ARHGEF38: variants seen among roughly 807,000 people sequenced by gnomAD.
ARHGEF38 encodes Rho guanine nucleotide exchange factor 38, also known as Rho guanine nucleotide exchange factor (GEF) 38.
Under a neutral mutation model 79.9 loss-of-function variants are expected in ARHGEF38, and 79 were observed. That is an observed-to-expected ratio of 0.99 (90% CI 0.82 to 1.19). The LOEUF (loss-of-function observed/expected upper bound fraction) is 1.19, where lower values mean the gene tolerates loss of function less well. ARHGEF38 is among the 50% of genes most tolerant of loss of function. The pLI is 0.00. For synonymous variants in ARHGEF38, 366 were observed against 328.3 expected (o/e 1.11, Z -1.24); for missense variants, 962 against 907.2 (o/e 1.06, Z -0.78).
intron 1 of ARHGEF38, among the ~76,000 whole-genome samples, chr4:105,568,482 A>T (rs950273021): frequency 6.6e-6 from 1 of 152,146 alleles, no homozygotes; most frequent in Non-Finnish European, 1.5e-5. Context: ...CAGCCATCCC[A>T]TTACTGGGTA....
rs368336086 is a variant in ARHGEF38, at chr4:105,668,344, G to A, written c.2148+641G>A. Among the ~76,000 whole-genome samples, 61 of 152,094 alleles carry A rather than the reference G, an allele frequency of 4.0e-4. 1 individual carries two copies. Among genetic ancestry groups the A allele is most frequent in the African/African-American group, 1.4e-3 (57 of 41,494 alleles). ...CTACAGGTACACGTCACCACGCCTG[G>A]CTAATTTTTGTATTTTTAGTAGAGT... On this transcript the variant is annotated intron_variant, in intron 13 of 13. Coordinates refer to ENST00000420470, the MANE Select transcript of ARHGEF38 (RefSeq NM_001242729.2).
At chr4:105,621,563 A>C (rs1380435297) in intron 3 of ARHGEF38, among the ~76,000 whole-genome samples, 4 of 152,232 alleles carry the variant, frequency 2.6e-5, no homozygotes, top group Non-Finnish European at 5.9e-5. Flanking sequence ...GTTGTTCTAT[A>C]GCAGTGCTTT....
At chr4:105,650,463 C>T (rs1426708085) in intron 7 of ARHGEF38, among the ~76,000 whole-genome samples, 2 of 152,186 alleles carry the variant, frequency 1.3e-5, no homozygotes, top group Non-Finnish European at 2.9e-5. Flanking sequence ...ACCCCTATAT[C>T]CCAAAGCCCA....
At position 105,655,656 on chromosome 4, in the gene ARHGEF38, C is replaced by A. The variant is rs1331256236; in HGVS notation, c.1167C>A (p.Tyr389Ter). 6.5e-7 allele frequency: 1 copy of A among 1,535,762 alleles called. No homozygotes were observed. The highest frequency in any genetic ancestry group is 1.4e-5 in the African/African-American group (1 of 72,994). The stretch of plus-strand genomic sequence containing the variant: ...TGATGGACCTTCAGGAGATTTCATA[C>A]AACAAAGACGATGAGATGGACTATT... ...QSVMDLQEIS[Y>*]NKDDEMDYSE... is the part of the protein sequence containing the mutation. The change falls in exon 9 of 14, where the codon TAC becomes TAA. Residue 389 changes from tyrosine to a stop codon, truncating the protein, a stop_gained. Transcript: ENST00000420470. LOFTEE classifies it high-confidence loss of function.
chr4:105,568,770 G>A (rs1726067457), intron 1 of ARHGEF38, among the ~76,000 whole-genome samples: 1 of 152,172 alleles, frequency 6.6e-6, no homozygotes, highest in African/African-American at 2.4e-5. Context: ...CTGGTTGGTT[G>A]TTGGGAGTAT....
intron 11 of ARHGEF38, 50 bp from the exon 12 acceptor site, chr4:105,667,079 G>A (rs2110577022): frequency 3.5e-6 from 5 of 1,408,562 alleles, no homozygotes; most frequent in Non-Finnish European, 4.7e-6. Context: ...ACTCCATGAG[G>A]ATTTTATTAT....
In ARHGEF38 at chr4:105,648,657, A is replaced by T; in HGVS notation, c.983A>T (p.Lys328Met). ...KKSKRVTNHL[K>M]ILTRGESQVK... ...TCAAAAAGAGTGACAAATCATCTGA[A>T]GATTCTGACCAGAGGAGAATCACAG... Residue 328 changes from lysine (K) to methionine (M), a missense_variant, in exon 7 of 14, where the codon AAG becomes ATG. By Grantham distance (95) the Lys-to-Met change is moderately conservative. Transcript: ENST00000420470. The T allele has an allele frequency of 6.5e-7, 1 of 1,532,256 alleles. No individual in the cohort carries two copies. The highest frequency in any genetic ancestry group is 2.4e-5 in the East Asian group (1 of 40,868). 94.9% of individuals were successfully genotyped at this position (1,532,256 alleles called of 1,614,324 possible).
intron 1 of ARHGEF38, among the ~76,000 whole-genome samples, chr4:105,554,498 C>T (rs1725163708): frequency 6.6e-6 from 1 of 152,118 alleles, no homozygotes; most frequent in Non-Finnish European, 1.5e-5. Flanking sequence ...AGGATAATGG[C>T]CTCCGGTTGT....
intron 8 of ARHGEF38, among the ~76,000 whole-genome samples, chr4:105,655,052 C>T (rs991862016): frequency 6.6e-6 from 1 of 152,140 alleles, no homozygotes; most frequent in Non-Finnish European, 1.5e-5. Flanking sequence ...ATCCGGTTTG[C>T]TATTTTCTTC....
At chr4:105,591,775 C>A (rs1474889245) in intron 2 of ARHGEF38, among the ~76,000 whole-genome samples, 1 of 152,132 alleles carries the variant, frequency 6.6e-6, no homozygotes, top group Non-Finnish European at 1.5e-5. Context: ...TTTAATCCCC[C>A]ACAGTTCCCA....
rs1010572176 is a variant in ARHGEF38, at chr4:105,667,304, G to A, written c.1865G>A (p.Ser622Asn). 3.3e-6 allele frequency: 5 copies of A among 1,535,994 alleles called. No individual in the cohort carries two copies. In the African/African-American group the frequency reaches 6.8e-5, roughly 21 times the overall value. Residue 622 changes from serine (S) to asparagine (N), a missense_variant, in exon 12 of 14, where the codon AGC (serine) becomes AAC (asparagine). Ser to Asn is a conservative substitution (Grantham distance 46). Transcript: ENST00000420470. ...CAGAAAGATCCACTGGGGAGTACAA[G>A]CAGGTGGCTTGTGGACACAGGAAGT... Reference protein sequence around the residue: ...IEQKDPLGSTSRWLVDTGNVK... With the variant: ...IEQKDPLGSTNRWLVDTGNVK...
At chr4:105,626,553 C>T (rs1347457551) in intron 3 of ARHGEF38, among the ~76,000 whole-genome samples, 2 of 152,100 alleles carry the variant, frequency 1.3e-5, no homozygotes, top group South Asian at 2.1e-4. Flanking sequence ...CCCAGGAAGT[C>T]GACTCCAGTG....
At chr4:105,577,271 T>G in intron 1 of ARHGEF38, among the ~76,000 whole-genome samples, 1 of 109,192 alleles carries the variant, frequency 9.2e-6, no homozygotes, top group Non-Finnish European at 1.7e-5. Context: ...CCCACAACAG[T>G]CCCCAGAGGG....
intron 12 of ARHGEF38, 34 bp from the exon 13 acceptor site, chr4:105,667,410 A>T: frequency 6.5e-7 from 1 of 1,534,518 alleles, no homozygotes; most frequent in Non-Finnish European, 8.7e-7. Flanking sequence ...ATACCCATGA[A>T]CTTGGTTCTT....
chr4:105,666,036 T>C (rs1578362474), intron 10 of ARHGEF38, 141 bp from the exon 11 acceptor site: 2 of 570,040 alleles, frequency 3.5e-6, no homozygotes, highest in East Asian at 7.0e-5. Context: ...CATATTTATC[T>C]AGAAGTTCTA....
At chr4:105,583,297 C>CA (rs1726882305) in intron 1 of ARHGEF38, among the ~76,000 whole-genome samples, 1 of 152,160 alleles carries the variant, frequency 6.6e-6, no homozygotes, top group Non-Finnish European at 1.5e-5. Context: ...TGCAATATCA[C>CA]AAAAATGTTT....
chr4:105,649,953 T>A (rs557980150), intron 7 of ARHGEF38, among the ~76,000 whole-genome samples: 56 of 152,344 alleles, frequency 3.7e-4, no homozygotes, highest in African/African-American at 1.3e-3. Flanking sequence ...ACAAATTCAA[T>A]GTAATCATCT....
At chr4:105,639,022 A>T (rs796118375) in intron 5 of ARHGEF38, among the ~76,000 whole-genome samples, 16 of 152,142 alleles carry the variant, frequency 1.1e-4, no homozygotes, top group African/African-American at 3.8e-4. Context: ...GAGCTAATTT[A>T]TATTCTCACT....
At position 105,679,190 on chromosome 4, in the gene ARHGEF38, G is replaced by A. The variant is rs1731223633; in HGVS notation, c.*1253G>A. 1.6e-6 allele frequency: 1 copy of A among 620,324 alleles called. No homozygotes were observed. The highest frequency in any genetic ancestry group is 2.9e-6 in the Non-Finnish European group (1 of 345,138). The allele number at this position is 620,324 out of a possible 1,614,324, so 38.4% of individuals were successfully genotyped here. A position where few individuals can be genotyped will look rare whatever the true frequency, so the allele number is the denominator to read the frequency against. ...CAATTGCCAGATCGACAACCTGACT[G>A]GCCTGACCAGCCACTCCTCTGTCTG... On this transcript the variant is annotated 3_prime_UTR_variant, in exon 14 of 14. Coordinates refer to ENST00000420470, the MANE Select transcript of ARHGEF38 (RefSeq NM_001242729.2).
Sources: allele counts gnomAD v4.1 joint callset (sites outside exome capture counted in the v4.1 genomes callset), GRCh38; gene constraint gnomAD v4.1.1; transcripts MANE v1.5; gene names NCBI Gene and HGNC (gene_info 2026-07-23, HGNC 2026-07-21).